The following LYPLA1 variants were observed in gnomAD, a reference collection of about 807,000 sequenced individuals.
LYPLA1 encodes acyl-protein thioesterase 1.
A neutral mutation model predicts 34.0 loss-of-function variants in LYPLA1; 17 were observed. The observed-to-expected ratio is 0.50, with a 90% CI of 0.34 to 0.75. The LOEUF is 0.75. Among genes scored for constraint, LYPLA1 ranks in the 30% least tolerant of loss-of-function variants. LYPLA1 has a pLI of 0.01. For synonymous variants in LYPLA1, 98 were observed against 100.8 expected (o/e 0.97, Z 0.17); for missense variants, 203 against 288.8 (o/e 0.70, Z 2.15).
intron 2 of LYPLA1, among the ~76,000 whole-genome samples, chr8:54,066,486 G>GA (rs1807078764): frequency 6.6e-6 from 1 of 151,860 alleles, no homozygotes. Context: ...TTTACACAAA[G>GA]AAAAAAAGCC....
intron 2 of LYPLA1, among the ~76,000 whole-genome samples, chr8:54,070,089 A>G (rs1416215970): frequency 6.6e-6 from 1 of 152,264 alleles, no homozygotes. Context: ...TAGGTTCTCA[A>G]AAGGATAAAT....
intron 2 of LYPLA1, among the ~76,000 whole-genome samples, chr8:54,069,474 G>A (rs1219094138): frequency 6.6e-6 from 1 of 152,158 alleles, no homozygotes; most frequent in Non-Finnish European, 1.5e-5. Context: ...AGCACTTTGG[G>A]AGGCCAAGGC....
Sources: allele counts gnomAD v4.1 joint callset (sites outside exome capture counted in the v4.1 genomes callset), GRCh38; gene constraint gnomAD v4.1.1; transcripts MANE v1.5; gene names NCBI Gene and HGNC (gene_info 2026-07-23, HGNC 2026-07-21).